PI15: variants seen among roughly 807,000 people sequenced by gnomAD.
The protein encoded by PI15 is 25 kDa trypsin inhibitor.
PI15 carries 18 observed loss-of-function variants against 31.0 expected under a neutral mutation model. That is an observed-to-expected ratio of 0.58 (90% CI 0.40 to 0.86). The LOEUF (loss-of-function observed/expected upper bound fraction) is 0.86, where lower values mean the gene tolerates loss of function less well. Ranked by LOEUF, PI15 falls within the 40% of genes least tolerant of loss-of-function variation. The pLI is 0.00. For missense variants in PI15, 282 were observed against 328.1 expected (o/e 0.86, Z 1.09); for synonymous variants, 118 against 119.1 (o/e 0.99, Z 0.06).
intron 2 of PI15, among the ~76,000 whole-genome samples, chr8:74,827,827 A>G (rs1810721463): frequency 1.3e-5 from 2 of 152,130 alleles, no homozygotes; most frequent in Non-Finnish European, 2.9e-5. Context: ...GAACCACTAT[A>G]TATGATTTAT....
At chr8:74,843,932 G>T in intron 2 of PI15, 49 bp from the exon 3 acceptor site, 1 of 847,896 alleles carries the variant, frequency 1.2e-6, no homozygotes, top group South Asian at 1.3e-5. Context: ...CTTACTTTTT[G>T]TTTGTTATCA....
chr8:74,839,012 G>A (rs1287095952), intron 2 of PI15, among the ~76,000 whole-genome samples: 1 of 152,208 alleles, frequency 6.6e-6, no homozygotes, highest in African/African-American at 2.4e-5. Flanking sequence ...ACTTATGGAA[G>A]TCCGCAACCT....
Position 74,825,267 on chromosome 8 carries a change from C to A in PI15, c.18C>A (p.Ala6=), listed in dbSNP as rs549994749. The change falls in exon 2 of 6, where the codon GCC becomes GCA. Residue 6 remains alanine (A), a synonymous_variant. Transcript: ENST00000260113. ...CCCTCAAAATGATAGCAATCTCTGC[C>A]GTCAGCAGTGCACTCCTGTTCTCCC... MIAIS[A]VSSALLFSLL... The A allele has an allele frequency of 6.2e-6, 10 of 1,613,126 alleles. No homozygotes were observed. Among genetic ancestry groups the A allele is most frequent in the Non-Finnish European group, 8.5e-6 (10 of 1,179,500 alleles).
rs1811071714 is a variant in PI15, at chr8:74,849,299, G to A, written c.*46G>A. 18 of 1,492,000 alleles carry A rather than the reference G, an allele frequency of 1.2e-5. No individual in the cohort carries two copies. The highest frequency in any genetic ancestry group is 1.7e-5 in the Non-Finnish European group (18 of 1,078,578). 92.4% of individuals were successfully genotyped at this position (1,492,000 alleles called of 1,614,324 possible). Reference sequence around the variant, plus strand: ...AATATAATGATTTCTGGGAACATGGGCATGTATATATATATATGGAGAGAG... The same window carrying A: ...AATATAATGATTTCTGGGAACATGGACATGTATATATATATATGGAGAGAG... On this transcript the variant is annotated 3_prime_UTR_variant, in exon 6 of 6. Transcript: ENST00000260113.
At chr8:74,836,784 C>T (rs1033788305) in intron 2 of PI15, among the ~76,000 whole-genome samples, 1 of 152,160 alleles carries the variant, frequency 6.6e-6, no homozygotes, top group Admixed American at 6.5e-5. Context: ...AGGAGATGAC[C>T]TTTGATGACC....
At chr8:74,827,071 T>A (rs1035714056) in intron 2 of PI15, among the ~76,000 whole-genome samples, 1 of 152,054 alleles carries the variant, frequency 6.6e-6, no homozygotes, top group Non-Finnish European at 1.5e-5. Flanking sequence ...AGGCATAATA[T>A]CCCAACTATG....
intron 3 of PI15, 117 bp downstream of exon 3, chr8:74,844,216 T>C (rs1263310325): frequency 2.8e-6 from 2 of 714,420 alleles, no homozygotes; most frequent in East Asian, 2.5e-5. Context: ...ATGCTCACTA[T>C]GTGTCAGGTA....
At chr8:74,834,812 C>T (rs1057412145) in intron 2 of PI15, among the ~76,000 whole-genome samples, 6 of 152,166 alleles carry the variant, frequency 3.9e-5, no homozygotes, top group Non-Finnish European at 7.3e-5. Flanking sequence ...TGACAAATTA[C>T]TCTCCAATTG....
chr8:74,836,285 T>C (rs979820554), intron 2 of PI15, among the ~76,000 whole-genome samples: 2 of 152,042 alleles, frequency 1.3e-5, no homozygotes, highest in African/African-American at 2.4e-5. Flanking sequence ...CTGTCCACCA[T>C]AGTTAGCTGA....
At chr8:74,827,584 G>C (rs1810717905) in intron 2 of PI15, among the ~76,000 whole-genome samples, 2 of 152,278 alleles carry the variant, frequency 1.3e-5, no homozygotes, top group South Asian at 4.1e-4. Context: ...GTAGGCCAAA[G>C]TGGTAAGGAT....
intron 2 of PI15, among the ~76,000 whole-genome samples, chr8:74,835,220 G>A (rs1563566549): frequency 6.6e-6 from 1 of 151,790 alleles, no homozygotes; most frequent in Non-Finnish European, 1.5e-5. Context: ...TAAAAATTTT[G>A]GATTTTCAGA....
chr8:74,852,000 T>C lies in PI15; in HGVS notation c.*2747T>C, dbSNP rs1462551424. 1.3e-5 allele frequency: 2 copies of C among 152,484 alleles called. No homozygotes were observed. Among genetic ancestry groups the C allele is most frequent in the East Asian group, 3.8e-4 (2 of 5,200 alleles). 9.4% of individuals were successfully genotyped at this position (152,484 alleles called of 1,614,324 possible). On this transcript the variant is annotated 3_prime_UTR_variant, in exon 6 of 6. Coordinates refer to ENST00000260113, the MANE Select transcript of PI15 (RefSeq NM_015886.5). ...ATTTTATTTTCCAGGCTAAAGCAAA[T>C]GAAAGTTTGCTGGTATCAACACAGC... is the stretch of plus-strand genomic sequence containing the variant.
rs1413716560 is a variant in PI15 at position 74,843,001 on chromosome 8, A to T, written c.274-980A>T. 2.0e-5 allele frequency among the ~76,000 whole-genome samples: 3 copies of T among 152,208 alleles called. No individual in the cohort carries two copies. In the East Asian group the frequency reaches 5.8e-4, roughly 29 times the overall value. On this transcript the variant is annotated intron_variant, in intron 2 of 5. Transcript: ENST00000260113. Reference sequence around the variant, plus strand: ...ATTTTTATTACCACCAATGATTCAAATTATATTATATATGTAGACTCTGTG... The same window carrying T: ...ATTTTTATTACCACCAATGATTCAATTTATATTATATATGTAGACTCTGTG...
At chr8:74,835,649 G>A (rs1810851950) in intron 2 of PI15, among the ~76,000 whole-genome samples, 1 of 152,158 alleles carries the variant, frequency 6.6e-6, no homozygotes, top group Admixed American at 6.5e-5. Flanking sequence ...CACTATGGGT[G>A]AGCTATAGAT....
At chr8:74,829,061 T>C (rs1168385288) in intron 2 of PI15, among the ~76,000 whole-genome samples, 1 of 152,130 alleles carries the variant, frequency 6.6e-6, no homozygotes, top group African/African-American at 2.4e-5. Context: ...TTGAGCTTTC[T>C]GGGTGCTGTG....
rs183621818 is a variant in PI15 at position 74,830,845 on chromosome 8, C to A, written c.273+5323C>A. 9.9e-4 allele frequency among the ~76,000 whole-genome samples: 151 copies of A among 152,214 alleles called. 2 individuals carry two copies. The highest frequency in any genetic ancestry group is 8.5e-4 in the Admixed American group (13 of 15,292). On this transcript the variant is annotated intron_variant, in intron 2 of 5. Transcript: ENST00000260113. ...ACCTCTCCAATGCATGCTTTCGTGA[C>A]CACTAGAAGGCCTCCTGAGGGCCTC...
intron 2 of PI15, among the ~76,000 whole-genome samples, chr8:74,842,211 A>C (rs1489831060): frequency 6.6e-6 from 1 of 152,172 alleles, no homozygotes; most frequent in Non-Finnish European, 1.5e-5. Flanking sequence ...TACTTAGCTG[A>C]ACACAATCTG....
intron 5 of PI15, among the ~76,000 whole-genome samples, chr8:74,848,317 C>A (rs1000710080): frequency 1.3e-4 from 20 of 151,974 alleles, no homozygotes; most frequent in African/African-American, 4.6e-4. Flanking sequence ...TACCATTATA[C>A]CATATATGAA....
At chr8:74,838,109 T>G (rs1408665475) in intron 2 of PI15, among the ~76,000 whole-genome samples, 1 of 152,052 alleles carries the variant, frequency 6.6e-6, no homozygotes, top group African/African-American at 2.4e-5. Flanking sequence ...GTTTAGTATT[T>G]CAATTGATTT....
Sources: allele counts gnomAD v4.1 joint callset (sites outside exome capture counted in the v4.1 genomes callset), GRCh38; gene constraint gnomAD v4.1.1; transcripts MANE v1.5; gene names NCBI Gene and HGNC (gene_info 2026-07-23, HGNC 2026-07-21).